The following ZBTB7C variants were observed in gnomAD, a reference collection of about 807,000 sequenced individuals.
ZBTB7C encodes the protein zinc finger and BTB domain containing 7C.
Under a neutral mutation model 25.7 loss-of-function variants are expected in ZBTB7C, and 8 were observed. The ratio of observed to expected loss-of-function variants is 0.31; its 90% confidence interval spans 0.18 to 0.56. ZBTB7C has a LOEUF of 0.56. Ranked by LOEUF, ZBTB7C falls within the 20% of genes least tolerant of loss-of-function variation. The pLI is 0.91. For synonymous variants in ZBTB7C, 394 were observed against 369.0 expected, an observed-to-expected ratio of 1.07 and a Z score of -0.78; for missense variants, 824 against 855.2, an observed-to-expected ratio of 0.96 and a Z score of 0.46.
At chr18:48,092,135 C>T (rs574662620) in intron 3 of ZBTB7C, among the ~76,000 whole-genome samples, 12 of 152,308 alleles carry the variant, frequency 7.9e-5, no homozygotes, top group Admixed American at 2.0e-4. Flanking sequence ...CATAGTGGGT[C>T]GACACTTCCA....
At chr18:48,338,026 C>T (rs2046495728) in intron 2 of ZBTB7C, 148 bp downstream of exon 2, 2 of 152,206 alleles carry the variant, frequency 1.3e-5, no homozygotes, top group Non-Finnish European at 1.5e-5. Flanking sequence ...AACTATAAAG[C>T]ATCCATCTAT....
At chr18:48,186,940 C>G (rs1340793810) in intron 2 of ZBTB7C, among the ~76,000 whole-genome samples, 1 of 152,234 alleles carries the variant, frequency 6.6e-6, no homozygotes, top group East Asian at 1.9e-4. Flanking sequence ...ATGACTGATG[C>G]ACTTCAGGAT....
At chr18:48,363,679 C>T (rs920370068) in intron 1 of ZBTB7C, among the ~76,000 whole-genome samples, 6 of 152,088 alleles carry the variant, frequency 3.9e-5, no homozygotes, top group Admixed American at 6.5e-5. Context: ...AGATGCTTTC[C>T]CGAGATGGAG....
chr18:48,131,147 G>A (rs967151675), intron 3 of ZBTB7C, among the ~76,000 whole-genome samples: 2 of 152,152 alleles, frequency 1.3e-5, no homozygotes, highest in African/African-American at 2.4e-5. Flanking sequence ...TAAGTGATCC[G>A]CCCGCCTCCG....
intron 3 of ZBTB7C, among the ~76,000 whole-genome samples, chr18:48,105,581 C>G (rs995495814): frequency 2.4e-4 from 36 of 152,260 alleles, no homozygotes; most frequent in African/African-American, 8.4e-4. Context: ...GGTACTGCTC[C>G]AGGGAGTGAG....
intron 3 of ZBTB7C, among the ~76,000 whole-genome samples, chr18:48,107,804 C>A (rs377534827): frequency 7.2e-5 from 11 of 152,062 alleles, no homozygotes; most frequent in Non-Finnish European, 1.6e-4. Context: ...GCTGAGATGG[C>A]GCCTAGGAGA....
intron 2 of ZBTB7C, among the ~76,000 whole-genome samples, chr18:48,234,128 G>A (rs2043319654): frequency 6.6e-6 from 1 of 151,332 alleles, no homozygotes; most frequent in African/African-American, 2.4e-5. Context: ...TCAATCCTAT[G>A]TGACCCTCAA....
At chr18:48,338,976 G>A (rs959345319) in intron 1 of ZBTB7C, among the ~76,000 whole-genome samples, 3 of 151,560 alleles carry the variant, frequency 2.0e-5, no homozygotes, top group Admixed American at 6.6e-5. Context: ...TTCATAGTTC[G>A]TCATCTCAGA....
At chr18:48,178,078 C>T (rs989462801) in intron 3 of ZBTB7C, among the ~76,000 whole-genome samples, 11 of 151,632 alleles carry the variant, frequency 7.3e-5, no homozygotes, top group African/African-American at 2.4e-4. Flanking sequence ...TAACAGCTCC[C>T]CAGTGTTCAC....
chr18:48,071,673 C>T (rs556783373), intron 3 of ZBTB7C, among the ~76,000 whole-genome samples: 7 of 152,174 alleles, frequency 4.6e-5, no homozygotes, highest in Non-Finnish European at 8.8e-5. Context: ...AGCAAGAACT[C>T]GAACAGATAT....
intron 2 of ZBTB7C, among the ~76,000 whole-genome samples, chr18:48,227,288 T>C (rs1374030330): frequency 1.3e-5 from 2 of 152,206 alleles, no homozygotes; most frequent in Non-Finnish European, 2.9e-5. Context: ...TGCAGCTGAT[T>C]CACATGTGTA....
intron 2 of ZBTB7C, among the ~76,000 whole-genome samples, chr18:48,306,801 A>C (rs983881991): frequency 1.3e-5 from 2 of 152,220 alleles, no homozygotes; most frequent in African/African-American, 4.8e-5. Flanking sequence ...AAAACAAAAC[A>C]AAAAAGCAGG....
At chr18:48,341,024 T>C (rs1203496379) in intron 1 of ZBTB7C, among the ~76,000 whole-genome samples, 2 of 152,174 alleles carry the variant, frequency 1.3e-5, no homozygotes, top group Non-Finnish European at 2.9e-5. Context: ...AAGGGCCCCC[T>C]TCAGTACCAC....
intron 2 of ZBTB7C, among the ~76,000 whole-genome samples, chr18:48,318,813 G>C (rs1158795687): frequency 6.6e-6 from 1 of 152,090 alleles, no homozygotes; most frequent in African/African-American, 2.4e-5. Flanking sequence ...GCCGTCTTCT[G>C]GGTCCCTGGT....
intron 3 of ZBTB7C, among the ~76,000 whole-genome samples, chr18:48,091,383 C>T (rs1302074376): frequency 1.3e-5 from 2 of 151,604 alleles, no homozygotes; most frequent in Non-Finnish European, 2.9e-5. Context: ...ATGCTTGGCC[C>T]TAAATATTGT....
At position 48,145,448 on chromosome 18, in the gene ZBTB7C, C is replaced by T. The variant is rs531177650; in HGVS notation, c.-17+40486G>A. On this transcript the variant is annotated intron_variant, in intron 3 of 4. Coordinates refer to ENST00000590800, the MANE Select transcript of ZBTB7C (RefSeq NM_001318841.2). Reference sequence around the variant, plus strand: ...GAACTTTAGACCCCTGCCCTGATTGCGGGTCTCAAGGGACTCAGGGAATCC... The same window carrying T: ...GAACTTTAGACCCCTGCCCTGATTGTGGGTCTCAAGGGACTCAGGGAATCC... 2.0e-3 allele frequency among the ~76,000 whole-genome samples: 302 copies of T among 152,286 alleles called. 1 individual carries two copies. The highest frequency in any genetic ancestry group is 3.6e-3 in the Non-Finnish European group (246 of 68,016).
intron 2 of ZBTB7C, among the ~76,000 whole-genome samples, chr18:48,236,424 C>G (rs1262201746): frequency 6.6e-6 from 1 of 152,144 alleles, no homozygotes; most frequent in Non-Finnish European, 1.5e-5. Flanking sequence ...CAAATGAACC[C>G]TAGGGAAACG....
intron 3 of ZBTB7C, among the ~76,000 whole-genome samples, chr18:48,133,698 C>T (rs983554690): frequency 2.0e-5 from 3 of 151,688 alleles, no homozygotes; most frequent in Admixed American, 6.6e-5. Context: ...AATAAATCCT[C>T]CGTGGAAGTT....
At chr18:48,343,653 T>A (rs1427492866) in intron 1 of ZBTB7C, among the ~76,000 whole-genome samples, 1 of 152,174 alleles carries the variant, frequency 6.6e-6, no homozygotes, top group Admixed American at 6.5e-5. Flanking sequence ...GGCTTCTTCA[T>A]CTATGAAACA....
Sources: allele counts gnomAD v4.1 joint callset (sites outside exome capture counted in the v4.1 genomes callset), GRCh38; gene constraint gnomAD v4.1.1; transcripts MANE v1.5; gene names NCBI Gene and HGNC (gene_info 2026-07-23, HGNC 2026-07-21).